TBC1D14: variants seen among roughly 807,000 people sequenced by gnomAD.
TBC1D14 encodes TBC1 domain family member 14, also known as TBC1 domain family, member 14.
In TBC1D14, 26 loss-of-function variants were observed where a neutral mutation model predicts 79.0. The ratio of observed to expected loss-of-function variants is 0.33; its 90% CI spans 0.24 to 0.46. The LOEUF is 0.46. Among genes scored for constraint, TBC1D14 ranks in the 20% least tolerant of loss-of-function variants. The pLI is 1.00. For missense variants in TBC1D14, 769 were observed against 887.6 expected (o/e 0.87, Z 1.70); for synonymous variants, 394 against 349.9 (o/e 1.13, Z -1.40).
intron 2 of TBC1D14, among the ~76,000 whole-genome samples, chr4:6,930,839 A>T (rs1416625281): frequency 6.6e-6 from 1 of 150,730 alleles, no homozygotes; most frequent in Non-Finnish European, 1.5e-5. Context: ...GTGATTTCGG[A>T]AACTGGCCTT....
intron 13 of TBC1D14, among the ~76,000 whole-genome samples, chr4:7,027,538 TAC>T (rs1577197532): frequency 8.0e-6 from 1 of 124,552 alleles, no homozygotes; most frequent in African/African-American, 3.1e-5. Context: ...ACACATCACA[TAC>T]ACAATCACCA....
chr4:6,998,883 A>G (rs1196506926), intron 5 of TBC1D14: 2 of 557,554 alleles, frequency 3.6e-6, no homozygotes, highest in East Asian at 3.1e-5. Context: ...TCTAGATGTT[A>G]GACTTTGCAA....
chr4:6,920,664 C>T (rs944888684), intron 1 of TBC1D14, among the ~76,000 whole-genome samples: 16 of 152,196 alleles, frequency 1.1e-4, no homozygotes, highest in Admixed American at 6.5e-5. Flanking sequence ...AAATGCTTTT[C>T]TTGTGGTACT....
intron 9 of TBC1D14, among the ~76,000 whole-genome samples, chr4:7,006,952 C>G (rs1713236913): frequency 6.6e-6 from 1 of 152,166 alleles, no homozygotes; most frequent in Non-Finnish European, 1.5e-5. Context: ...AAAGACAATT[C>G]TGTCTTCCTC....
chr4:7,030,178 G>A (rs553941789), intron 13 of TBC1D14, 149 bp from the exon 14 acceptor site: 18 of 671,316 alleles, frequency 2.7e-5, no homozygotes, highest in Middle Eastern at 6.3e-4. Flanking sequence ...CACGAAGGAC[G>A]TAGGAGTGGA....
At chr4:6,935,078 C>T (rs1458350908) in intron 2 of TBC1D14, among the ~76,000 whole-genome samples, 2 of 152,094 alleles carry the variant, frequency 1.3e-5, no homozygotes, top group South Asian at 2.1e-4. Context: ...GCAGTGATCG[C>T]GCCACTGCAT....
intron 3 of TBC1D14, among the ~76,000 whole-genome samples, chr4:6,977,935 G>A (rs866709281): frequency 3.6e-5 from 5 of 138,186 alleles, no homozygotes; most frequent in African/African-American, 1.1e-4. Flanking sequence ...CGGCCGCCCC[G>A]TCTGAGAAGT....
chr4:6,925,527 A>G (rs1378231165), intron 2 of TBC1D14, among the ~76,000 whole-genome samples: 1 of 152,148 alleles, frequency 6.6e-6, no homozygotes, highest in East Asian at 1.9e-4. Flanking sequence ...CATCAACTAA[A>G]GGGGATCATC....
chr4:6,996,937 C>T (rs1719118664), intron 5 of TBC1D14: 1 of 152,196 alleles, frequency 6.6e-6, no homozygotes, highest in Non-Finnish European at 1.5e-5. Flanking sequence ...TTTTAAAGTT[C>T]CAAGAAGATA....
chr4:6,992,630 T>C (rs1472064415), intron 3 of TBC1D14, among the ~76,000 whole-genome samples: 3 of 152,214 alleles, frequency 2.0e-5, no homozygotes, highest in African/African-American at 7.2e-5. Flanking sequence ...GGGGTATGTG[T>C]TACTAATTCT....
intron 2 of TBC1D14, among the ~76,000 whole-genome samples, chr4:6,925,874 G>C (rs1331939372): frequency 6.6e-6 from 1 of 152,188 alleles, no homozygotes; most frequent in Non-Finnish European, 1.5e-5. Flanking sequence ...GCGGACCTCA[G>C]GATCCATCCA....
chr4:6,997,480 G>A (rs528067497), intron 5 of TBC1D14, among the ~76,000 whole-genome samples: 5 of 152,256 alleles, frequency 3.3e-5, no homozygotes, highest in Admixed American at 3.3e-4. Flanking sequence ...TAAAAAATTA[G>A]CCAGGTGTGG....
chr4:6,993,304 C>T (rs1718695909), intron 3 of TBC1D14, among the ~76,000 whole-genome samples: 1 of 152,150 alleles, frequency 6.6e-6, no homozygotes, highest in African/African-American at 2.4e-5. Flanking sequence ...GAGCGAAGTA[C>T]CTACACATTA....
chr4:6,915,934 G>T (rs1177018189), intron 1 of TBC1D14, among the ~76,000 whole-genome samples: 1 of 151,284 alleles, frequency 6.6e-6, no homozygotes, highest in South Asian at 2.1e-4. Flanking sequence ...GGCCAACATG[G>T]TGAAATCCCA....
chr4:7,016,493 G>A (rs1721291668), intron 12 of TBC1D14, among the ~76,000 whole-genome samples: 1 of 152,218 alleles, frequency 6.6e-6, no homozygotes. Context: ...CAGGACCTGA[G>A]CCTTTAGCTT....
intron 11 of TBC1D14, among the ~76,000 whole-genome samples, chr4:7,011,591 C>G (rs1356616997): frequency 1.3e-5 from 2 of 151,844 alleles, no homozygotes; most frequent in Non-Finnish European, 2.9e-5. Flanking sequence ...GGGTCTTGCT[C>G]TCTCACCCAG....
chr4:7,002,965 G>C (rs913163486), intron 7 of TBC1D14, among the ~76,000 whole-genome samples: 1 of 152,178 alleles, frequency 6.6e-6, no homozygotes, highest in Admixed American at 6.5e-5. Flanking sequence ...TGTGTGTGGG[G>C]CCAGGACTCT....
At chr4:6,984,651 T>C (rs1577121514) in intron 3 of TBC1D14, among the ~76,000 whole-genome samples, 1 of 152,208 alleles carries the variant, frequency 6.6e-6, no homozygotes, top group East Asian at 1.9e-4. Flanking sequence ...GAGTCTCTGA[T>C]GGTTTCATGT....
At chr4:7,009,837 A>G in intron 9 of TBC1D14, 40 bp from the exon 10 acceptor site, 1 of 1,571,506 alleles carries the variant, frequency 6.4e-7, no homozygotes, top group Non-Finnish European at 8.8e-7. Context: ...CACTAACAGT[A>G]CTCATGCATG....
Sources: allele counts gnomAD v4.1 joint callset (sites outside exome capture counted in the v4.1 genomes callset), GRCh38; gene constraint gnomAD v4.1.1; transcripts MANE v1.5; gene names NCBI Gene and HGNC (gene_info 2026-07-23, HGNC 2026-07-21).